Variants in CES5A observed in about 807,000 individuals in gnomAD.
CES5A encodes the protein carboxylesterase 5A, also known as carboxylesterase 5.
In CES5A, 67 loss-of-function variants were observed where a neutral mutation model predicts 62.9. The observed-to-expected ratio is 1.07, with a 90% CI of 0.88 to 1.31. The LOEUF (loss-of-function observed/expected upper bound fraction) is 1.31. CES5A is among the 50% of genes most tolerant of loss of function. The pLI is 0.00. For missense variants in CES5A, 748 were observed against 708.5 expected (o/e 1.06, Z -0.63); for synonymous variants, 296 against 280.8 (o/e 1.05, Z -0.54).
chr16:55,944,050 C>G (rs778503088), intron 2 of CES5A: 46 of 702,058 alleles, frequency 6.6e-5, no homozygotes, highest in Admixed American at 1.0e-4. Context: ...GGACTCACCT[C>G]CATGCAGAGA....
At chr16:55,934,048 A>C (rs1314559262) in intron 2 of CES5A, among the ~76,000 whole-genome samples, 2 of 152,066 alleles carry the variant, frequency 1.3e-5, no homozygotes, top group Admixed American at 6.6e-5. Context: ...TTGCTCACTC[A>C]TACATCTCCT....
intron 1 of CES5A, among the ~76,000 whole-genome samples, chr16:55,888,936 AG>A (rs2033845164): frequency 6.6e-6 from 1 of 152,178 alleles, no homozygotes; most frequent in African/African-American, 2.4e-5. Flanking sequence ...TTGCACCCTC[AG>A]TGACCAGCTC....
chr16:55,896,141 A>C lies in CES5A; in HGVS notation c.-255-22104T>G, dbSNP rs535003012. On this transcript the variant is annotated intron_variant, in intron 1 of 12. Transcript: ENST00000518005. Reference sequence around the variant, plus strand: ...TCATGGTAAAAGGTGAATGAGGAGCAAAGTCACATCTTACATGGTGGCAGG... The same window carrying C: ...TCATGGTAAAAGGTGAATGAGGAGCCAAGTCACATCTTACATGGTGGCAGG... Among the ~76,000 whole-genome samples the C allele has an allele frequency of 2.6e-5, 4 of 152,320 alleles. No individual in the cohort carries two copies. The South Asian group carries it at 6.2e-4, about 24-fold the overall frequency.
At chr16:55,859,463 T>C in intron 8 of CES5A, 84 bp downstream of exon 8, 1 of 1,355,958 alleles carries the variant, frequency 7.4e-7, no homozygotes, top group East Asian at 2.3e-5. Context: ...ATACCTGATG[T>C]CTTCTGTGGA....
chr16:55,847,279 C>CCT (rs1247436164), intron 11 of CES5A, among the ~76,000 whole-genome samples: 1 of 145,594 alleles, frequency 6.9e-6, no homozygotes, highest in Non-Finnish European at 1.5e-5. Context: ...CTCTTCCTTC[C>CCT]CTCTCTCTCT....
At chr16:55,879,889 G>A (rs185052428), upstream of CES5A, among the ~76,000 whole-genome samples, 198 of 152,310 alleles carry the variant, frequency 1.3e-3, 2 homozygotes, top group South Asian at 0.021. Context: ...CCAGGCATGG[G>A]CCACCACACT....
intron 1 of CES5A, among the ~76,000 whole-genome samples, chr16:55,881,484 A>C (rs1395288850): frequency 6.6e-6 from 1 of 152,248 alleles, no homozygotes; most frequent in Non-Finnish European, 1.5e-5. Context: ...CTCATGATGC[A>C]GGACTTACTG....
chr16:55,912,099 A>G (rs969714204), intron 1 of CES5A, among the ~76,000 whole-genome samples: 3 of 152,154 alleles, frequency 2.0e-5, no homozygotes, highest in Admixed American at 1.3e-4. Context: ...TCCCAGAAGT[A>G]GAGGAACATG....
intron 1 of CES5A, among the ~76,000 whole-genome samples, chr16:55,892,799 C>T (rs2033894811): frequency 6.6e-6 from 1 of 151,408 alleles, no homozygotes; most frequent in African/African-American, 2.4e-5. Flanking sequence ...CACAGAGAAA[C>T]CTAACTGAGC....
At chr16:55,869,459 G>C (rs1472383973) in intron 4 of CES5A, 152 bp downstream of exon 4, 19 of 1,341,406 alleles carry the variant, frequency 1.4e-5, no homozygotes, top group African/African-American at 3.0e-5. Context: ...GGATTTATCT[G>C]CTACAGCTGC....
At chr16:55,918,258 A>G (rs757540908) in intron 1 of CES5A, among the ~76,000 whole-genome samples, 1 of 152,222 alleles carries the variant, frequency 6.6e-6, no homozygotes. Flanking sequence ...CAGAGGCAGC[A>G]GTATCCCATC....
chr16:55,888,947 C>T (rs1215562451), intron 1 of CES5A, among the ~76,000 whole-genome samples: 2 of 152,088 alleles, frequency 1.3e-5, no homozygotes, highest in Admixed American at 1.3e-4. Context: ...GTGACCAGCT[C>T]AGAACCTGAG....
At chr16:55,938,140 G>A (rs1247007524) in intron 2 of CES5A, among the ~76,000 whole-genome samples, 4 of 152,258 alleles carry the variant, frequency 2.6e-5, no homozygotes, top group Middle Eastern at 3.4e-3. Flanking sequence ...AAGAAGGGAT[G>A]AACCATCTTT....
chr16:55,912,089 T>C (rs2034099056), intron 1 of CES5A, among the ~76,000 whole-genome samples: 1 of 152,020 alleles, frequency 6.6e-6, no homozygotes, highest in Non-Finnish European at 1.5e-5. Context: ...TCCCCGCCCC[T>C]CCCAGAAGTA....
At chr16:55,922,780 A>G (rs1453119945) in intron 1 of CES5A, among the ~76,000 whole-genome samples, 4 of 152,106 alleles carry the variant, frequency 2.6e-5, no homozygotes, top group East Asian at 3.9e-4. Flanking sequence ...AGAATAGACT[A>G]TATATCAGGT....
At chr16:55,902,352 A>G (rs116132470) in intron 1 of CES5A, among the ~76,000 whole-genome samples, 291 of 152,238 alleles carry the variant, frequency 1.9e-3, no homozygotes, top group African/African-American at 6.5e-3. Context: ...CCCACAAGTT[A>G]TTACAATCCC....
intron 1 of CES5A, among the ~76,000 whole-genome samples, chr16:55,905,487 C>T (rs1035896289): frequency 2.0e-5 from 3 of 152,056 alleles, no homozygotes; most frequent in African/African-American, 7.2e-5. Flanking sequence ...CTGCCTCAGC[C>T]TCCTGAGTAG....
At chr16:55,950,173 C>A (rs1276307162) in intron 1 of CES5A, among the ~76,000 whole-genome samples, 1 of 151,988 alleles carries the variant, frequency 6.6e-6, no homozygotes, top group African/African-American at 2.4e-5. Context: ...TGGAGGAGCA[C>A]CAATGTCCAA....
intron 3 of CES5A, among the ~76,000 whole-genome samples, chr16:55,870,888 A>T (rs117588913): frequency 0.026 from 3,993 of 152,260 alleles, 97 homozygotes; most frequent in South Asian, 0.12. Context: ...AGGAAAGGGG[A>T]GGTGGACAAA....
Sources: gnomAD v4.1 joint callset for allele counts (sites outside exome capture counted in the v4.1 genomes callset) on GRCh38, gnomAD v4.1.1 for gene constraint, MANE v1.5 for transcripts, NCBI Gene and HGNC (gene_info 2026-07-23, HGNC 2026-07-21) for gene names.